Variants in SMOC2 observed in about 807,000 individuals in gnomAD.
SMOC2 encodes SPARC related modular calcium binding 2, also known as SPARC-related modular calcium-binding protein 2.
In SMOC2, 39 loss-of-function variants were observed where a neutral mutation model predicts 61.4. That is an observed-to-expected ratio of 0.64 (90% confidence interval 0.49 to 0.83). The LOEUF (loss-of-function observed/expected upper bound fraction) is 0.83, where lower values mean the gene tolerates loss of function less well. SMOC2 is among the 40% of genes least tolerant of loss of function. The probability of loss-of-function intolerance (pLI) is 0.00; values close to 1 mark genes in which losing one functional copy is unlikely to be tolerated. For missense variants in SMOC2, 556 were observed against 592.9 expected, an observed-to-expected ratio of 0.94 and a Z score of 0.65; for synonymous variants, 247 against 239.9, an observed-to-expected ratio of 1.03 and a Z score of -0.27.
intron 1 of SMOC2, among the ~76,000 whole-genome samples, chr6:168,479,290 T>C (rs1292729817): frequency 6.6e-6 from 1 of 152,262 alleles, no homozygotes; most frequent in African/African-American, 2.4e-5. Context: ...CTTGTGAGCA[T>C]TGGGAAGACT....
intron 7 of SMOC2, among the ~76,000 whole-genome samples, chr6:168,556,643 G>C (rs974735841): frequency 6.6e-6 from 1 of 151,670 alleles, no homozygotes; most frequent in East Asian, 1.9e-4. Context: ...TGTGCACAAC[G>C]TGCATGTTTG....
intron 11 of SMOC2, among the ~76,000 whole-genome samples, chr6:168,653,793 G>A (rs375340833): frequency 1.4e-5 from 2 of 140,060 alleles, no homozygotes; most frequent in Non-Finnish European, 3.1e-5. Context: ...GCTCCAACCA[G>A]ATGTTAGGAA....
Position 168,522,931 on chromosome 6 carries a change from C to T in SMOC2, c.257-3415C>T, listed in dbSNP as rs78183765. Among the ~76,000 whole-genome samples, 534 of 152,124 alleles carry T rather than the reference C, an allele frequency of 3.5e-3. 8 individuals are homozygous for T. Among genetic ancestry groups the T allele is most frequent in the East Asian group, 0.027 (138 of 5,172 alleles). The stretch of plus-strand genomic sequence containing the variant: ...GGGGAAATGGGGAATGGCAGCTTAA[C>T]GGGCATTCTTTTGGGAATGAGGAGA... On this transcript the variant is annotated intron_variant, in intron 2 of 12. Transcript: ENST00000356284.
intron 6 of SMOC2, among the ~76,000 whole-genome samples, chr6:168,548,424 C>A (rs999871715): frequency 1.4e-5 from 2 of 146,164 alleles, no homozygotes; most frequent in Admixed American, 7.0e-5. Context: ...ATGATGCGAT[C>A]TCAGCTCACT....
In SMOC2 at chr6:168,544,259, C is replaced by A. The variant is rs543762898; in HGVS notation, c.511+587C>A. On this transcript the variant is annotated intron_variant, in intron 5 of 12. Coordinates refer to ENST00000356284, the MANE Select transcript of SMOC2 (RefSeq NM_001166412.2). This position sits in a 1 kb window ranked among gnomAD's most constrained non-coding sequence, Gnocchi z 4.1. Reference sequence around the variant, plus strand: ...TTCTCTGCCCTTGCCTCGGCCAACACCCTTCAGTACCAGGACACATTTCTG... The same window carrying A: ...TTCTCTGCCCTTGCCTCGGCCAACAACCTTCAGTACCAGGACACATTTCTG... Among the ~76,000 whole-genome samples, 1 of 152,330 alleles carries A rather than the reference C, an allele frequency of 6.6e-6. No homozygotes were observed. The highest frequency in any genetic ancestry group is 1.9e-4 in the East Asian group (1 of 5,188).
chr6:168,662,744 C>T (rs932425305), intron 11 of SMOC2, among the ~76,000 whole-genome samples: 23 of 152,116 alleles, frequency 1.5e-4, no homozygotes, highest in South Asian at 1.0e-3. Flanking sequence ...GTTCCGGCCA[C>T]GGAGCAGCCT....
chr6:168,532,438 C>T (rs563533072), intron 4 of SMOC2, among the ~76,000 whole-genome samples: 11 of 151,564 alleles, frequency 7.3e-5, no homozygotes, highest in South Asian at 4.1e-4. Flanking sequence ...CCCTCCCCCC[C>T]TCCCCCACAA....
At chr6:168,538,828 T>C (rs1583092967) in intron 4 of SMOC2, among the ~76,000 whole-genome samples, 1 of 150,582 alleles carries the variant, frequency 6.6e-6, no homozygotes, top group South Asian at 2.1e-4. Flanking sequence ...TGCTGGAATC[T>C]GGGGGAGTGG....
intron 6 of SMOC2, 52 bp downstream of exon 6, chr6:168,547,221 C>CA (rs768128269): frequency 2.0e-6 from 3 of 1,513,676 alleles, no homozygotes; most frequent in Non-Finnish European, 2.8e-6. Context: ...GTGCGAGGGA[C>CA]GGTATGGAGC....
In SMOC2 at chr6:168,598,957, GT is replaced by G. The variant is rs1242614860; in HGVS notation, c.778del (p.Cys260AlafsTer54). 2 of 1,613,168 alleles carry G rather than the reference GT, an allele frequency of 1.2e-6. No homozygotes were observed. The highest frequency in any genetic ancestry group is 1.7e-6 in the Non-Finnish European group (2 of 1,179,484). On this transcript the variant is annotated frameshift_variant, in exon 8 of 13. Transcript: ENST00000356284. LOFTEE classifies it high-confidence loss of function. Reference sequence around the variant, plus strand: ...GCCACCCCTCCACGGGGTACTGCTGGTGCGTCCTGGTGGACACGGGGCGCCC... The same window carrying G: ...GCCACCCCTCCACGGGGTACTGCTGGGCGTCCTGGTGGACACGGGGCGCCC... ...QCHPSTGYCWCVLVDTGRPIP... is the reference protein window; with the variant it reads ...QCHPSTGYCWXVLVDTGRPIP...
chr6:168,457,123 C>T (rs574467063), intron 1 of SMOC2, among the ~76,000 whole-genome samples: 12 of 152,326 alleles, frequency 7.9e-5, no homozygotes, highest in East Asian at 3.9e-4. Context: ...ACAGCGCGGC[C>T]GCCACGCCCC....
chr6:168,464,817 A>G (rs1429212293), intron 1 of SMOC2, among the ~76,000 whole-genome samples: 1 of 152,192 alleles, frequency 6.6e-6, no homozygotes, highest in Non-Finnish European at 1.5e-5. Context: ...TTGGGAGAGG[A>G]ATAAAAAAAG....
At position 168,575,291 on chromosome 6, in the gene SMOC2, G is replaced by A. The variant is rs1020940952; in HGVS notation, c.638-23527G>A. Among the ~76,000 whole-genome samples the A allele has an allele frequency of 4.6e-5, 7 of 152,158 alleles. 1 individual carries two copies. Among genetic ancestry groups the A allele is most frequent in the Admixed American group, 4.6e-4 (7 of 15,282 alleles). ...AAAGTGAGCACTCAACATGCATTTC[G>A]GATGTTTCCTGCAGAATATTTTTTC... On this transcript the variant is annotated intron_variant, in intron 7 of 12. Transcript: ENST00000356284.
chr6:168,641,177 C>G (rs1377413005), intron 9 of SMOC2, among the ~76,000 whole-genome samples: 1 of 152,112 alleles, frequency 6.6e-6, no homozygotes, highest in Non-Finnish European at 1.5e-5. Context: ...TAATGTTTGG[C>G]AAAATACTGA....
intron 7 of SMOC2, among the ~76,000 whole-genome samples, chr6:168,569,562 T>A (rs1236571057): frequency 3.3e-5 from 5 of 152,184 alleles, no homozygotes; most frequent in Non-Finnish European, 7.3e-5. Context: ...TGCCTCAGCC[T>A]CCTGAGTAGC....
intron 7 of SMOC2, among the ~76,000 whole-genome samples, chr6:168,564,463 G>A (rs1276528807): frequency 6.6e-6 from 1 of 152,040 alleles, no homozygotes; most frequent in Non-Finnish European, 1.5e-5. Flanking sequence ...TCTTTAACTT[G>A]TATGTATGTG....
intron 1 of SMOC2, among the ~76,000 whole-genome samples, chr6:168,489,045 T>G (rs1782403855): frequency 6.7e-6 from 1 of 148,224 alleles, no homozygotes; most frequent in Non-Finnish European, 1.5e-5. Context: ...TGGATCACAC[T>G]GTTTTAGAGG....
intron 8 of SMOC2, among the ~76,000 whole-genome samples, chr6:168,601,611 A>G (rs1227656774): frequency 6.6e-6 from 1 of 152,166 alleles, no homozygotes; most frequent in Non-Finnish European, 1.5e-5. Context: ...TTTACAGTGC[A>G]TATAAGTTGG....
intron 1 of SMOC2, among the ~76,000 whole-genome samples, chr6:168,498,307 T>C (rs1030647176): frequency 6.6e-6 from 1 of 152,166 alleles, no homozygotes; most frequent in African/African-American, 2.4e-5. Flanking sequence ...TCTAAATGCT[T>C]TGAAATGAGC....
Sources: gnomAD v4.1 joint callset for allele counts (sites outside exome capture counted in the v4.1 genomes callset) on GRCh38, gnomAD v4.1.1 for gene constraint, Gnocchi (gnomAD v3.1) non-coding constraint, MANE v1.5 for transcripts, NCBI Gene and HGNC (gene_info 2026-07-23, HGNC 2026-07-21) for gene names.